The following CDH10 variants were observed in gnomAD, a reference collection of about 807,000 sequenced individuals.
CDH10 encodes cadherin 10.
A neutral mutation model predicts 73.1 loss-of-function variants in CDH10; 30 were observed. That is an observed-to-expected ratio of 0.41 (90% CI 0.31 to 0.56). The LOEUF (loss-of-function observed/expected upper bound fraction) is 0.56, where lower values mean the gene tolerates loss of function less well. Ranked by LOEUF, CDH10 falls within the 20% of genes least tolerant of loss-of-function variation. The pLI is 0.27. For synonymous variants in CDH10, 345 were observed against 348.2 expected (o/e 0.99, Z 0.10); for missense variants, 815 against 973.7 (o/e 0.84, Z 2.17).
intron 1 of CDH10, among the ~76,000 whole-genome samples, chr5:24,594,708 T>C (rs1746313447): frequency 6.6e-6 from 1 of 151,988 alleles, no homozygotes; most frequent in Admixed American, 6.6e-5. Context: ...GATGTTCACT[T>C]AGCTAGATCC....
intron 5 of CDH10, among the ~76,000 whole-genome samples, chr5:24,521,544 G>A (rs1282116193): frequency 1.3e-5 from 2 of 151,930 alleles, no homozygotes; most frequent in South Asian, 2.1e-4. Context: ...CCTGGGAGGC[G>A]GAGGTTGCGG....
At chr5:24,574,315 T>G (rs1745516384) in intron 2 of CDH10, among the ~76,000 whole-genome samples, 2 of 152,160 alleles carry the variant, frequency 1.3e-5, no homozygotes, top group Admixed American at 1.3e-4. Flanking sequence ...GATTGATCAC[T>G]GCGTATCTAT....
At chr5:24,492,288 G>A (rs1742085095) in intron 10 of CDH10, among the ~76,000 whole-genome samples, 1 of 152,224 alleles carries the variant, frequency 6.6e-6, no homozygotes, top group Admixed American at 6.5e-5. Context: ...TTCACGCATT[G>A]TTGCATGTTT....
At chr5:24,633,598 G>A (rs189212642) in intron 1 of CDH10, among the ~76,000 whole-genome samples, 2 of 151,990 alleles carry the variant, frequency 1.3e-5, no homozygotes, top group East Asian at 3.9e-4. Flanking sequence ...ATTTTTCCTT[G>A]AGAAGGTTAA....
chr5:24,514,335 T>TAATTTA (rs1743028563), intron 5 of CDH10, among the ~76,000 whole-genome samples: 1 of 152,208 alleles, frequency 6.6e-6, no homozygotes, highest in South Asian at 2.1e-4. Context: ...TCCTCTGTCC[T>TAATTTA]GTCAGTTTCT....
At chr5:24,501,179 G>A (rs112560339) in intron 8 of CDH10, among the ~76,000 whole-genome samples, 81 of 151,994 alleles carry the variant, frequency 5.3e-4, no homozygotes, top group African/African-American at 1.9e-3. Flanking sequence ...TCCCTTGTTG[G>A]TAACAATTCA....
chr5:24,582,485 G>C (rs1358674187), intron 2 of CDH10, among the ~76,000 whole-genome samples: 1 of 152,028 alleles, frequency 6.6e-6, no homozygotes, highest in Non-Finnish European at 1.5e-5. Flanking sequence ...AGGAAAAATG[G>C]TGTTGCTATT....
intron 5 of CDH10, among the ~76,000 whole-genome samples, chr5:24,518,213 G>T (rs2111799693): frequency 6.6e-6 from 1 of 152,224 alleles, no homozygotes; most frequent in East Asian, 1.9e-4. Flanking sequence ...TTGCAAAAGT[G>T]AGGCACGTTA....
At chr5:24,635,826 CTG>C (rs1747849879) in intron 1 of CDH10, among the ~76,000 whole-genome samples, 1 of 151,830 alleles carries the variant, frequency 6.6e-6, no homozygotes. Context: ...GATAAGTCAA[CTG>C]TGTGCCTGGA....
intron 1 of CDH10, among the ~76,000 whole-genome samples, chr5:24,600,833 C>T (rs1209503385): frequency 1.3e-5 from 2 of 152,054 alleles, no homozygotes; most frequent in Admixed American, 6.6e-5. Flanking sequence ...CATGACACTT[C>T]TAAGGTGACT....
intron 2 of CDH10, among the ~76,000 whole-genome samples, chr5:24,544,178 C>T (rs1744255496): frequency 6.6e-6 from 1 of 152,050 alleles, no homozygotes; most frequent in African/African-American, 2.4e-5. Context: ...TCTGTAGTCC[C>T]AGCTACGTGG....
At chr5:24,505,403 T>G (rs990984493) in intron 7 of CDH10, among the ~76,000 whole-genome samples, 155 bp from the exon 8 acceptor site, 20 of 152,228 alleles carry the variant, frequency 1.3e-4, no homozygotes, top group African/African-American at 4.8e-4. Flanking sequence ...TTTTCCTAGT[T>G]GCACACACAC....
intron 2 of CDH10, among the ~76,000 whole-genome samples, chr5:24,587,791 A>G (rs1173945346): frequency 6.6e-6 from 1 of 152,068 alleles, no homozygotes; most frequent in East Asian, 1.9e-4. Flanking sequence ...AATTTATGAC[A>G]GAGAATTTTG....
Position 24,593,440 on chromosome 5 carries a change from T to C in CDH10, c.51A>G (p.Pro17=), listed in dbSNP as rs775945079. 1.9e-6 allele frequency: 3 copies of C among 1,611,796 alleles called. No individual in the cohort carries two copies. The highest frequency in any genetic ancestry group is 1.7e-6 in the Non-Finnish European group (2 of 1,178,118). The change falls in exon 2 of 12, where the codon CCA becomes CCG. Residue 17 remains proline (P), a synonymous_variant. Transcript: ENST00000264463. The part of the protein sequence containing the change: ...LLLFLFWVCL[P]HFCSPEIMFR... ...ACATTATTTCTGGAGAGCAGAAATG[T>C]GGCAGGCATACCCAGAATAGAAACA...
intron 1 of CDH10, among the ~76,000 whole-genome samples, chr5:24,628,819 G>C (rs1028028231): frequency 7.1e-6 from 1 of 141,800 alleles, no homozygotes; most frequent in African/African-American, 2.7e-5. Flanking sequence ...AACACTTGCC[G>C]CCCCCCCCAC....
chr5:24,549,657 T>G (rs532718640), intron 2 of CDH10, among the ~76,000 whole-genome samples: 32 of 151,456 alleles, frequency 2.1e-4, no homozygotes, highest in Admixed American at 1.8e-3. Flanking sequence ...GTTCAAGCGA[T>G]TCTCCTGCCT....
At chr5:24,548,043 A>T (rs567155493) in intron 2 of CDH10, among the ~76,000 whole-genome samples, 1 of 152,328 alleles carries the variant, frequency 6.6e-6, no homozygotes, top group Non-Finnish European at 1.5e-5. Flanking sequence ...CAGCAGATTC[A>T]AAATTCATGT....
chr5:24,571,840 AC>A, intron 2 of CDH10, among the ~76,000 whole-genome samples: 1 of 152,034 alleles, frequency 6.6e-6, no homozygotes, highest in African/African-American at 2.4e-5. Context: ...ATTTAAAACT[AC>A]CCCCATGACC....
At chr5:24,516,410 T>C (rs1743109670) in intron 5 of CDH10, among the ~76,000 whole-genome samples, 1 of 152,104 alleles carries the variant, frequency 6.6e-6, no homozygotes. Context: ...TGCCCACTAA[T>C]TTTAGCATCA....
Sources: gnomAD v4.1 joint callset for allele counts (sites outside exome capture counted in the v4.1 genomes callset) on GRCh38, gnomAD v4.1.1 for gene constraint, MANE v1.5 for transcripts, NCBI Gene and HGNC (gene_info 2026-07-23, HGNC 2026-07-21) for gene names.